The following DPYD variants were observed in gnomAD, a reference collection of about 807,000 sequenced individuals.
The protein encoded by DPYD is dihydropyrimidine dehydrogenase [NADP(+)].
A neutral mutation model predicts 116.2 loss-of-function variants in DPYD; 109 were observed. The observed-to-expected ratio is 0.94, with a 90% CI of 0.80 to 1.10. The LOEUF (loss-of-function observed/expected upper bound fraction) is 1.10, where lower values mean the gene tolerates loss of function less well. Ranked by LOEUF, DPYD falls within the 50% of genes least tolerant of loss-of-function variation. The pLI is 0.00. For synonymous variants in DPYD, 440 were observed against 432.0 expected (o/e 1.02, Z -0.23); for missense variants, 1,302 against 1,254.5 (o/e 1.04, Z -0.57).
At chr1:97,762,549 A>G (rs1459193579) in intron 3 of DPYD, among the ~76,000 whole-genome samples, 1 of 152,082 alleles carries the variant, frequency 6.6e-6, no homozygotes, top group Non-Finnish European at 1.5e-5. Context: ...CATTAAGTCA[A>G]CCTTTATATT....
intron 11 of DPYD, among the ~76,000 whole-genome samples, chr1:97,568,646 C>T (rs1413790330): frequency 6.6e-6 from 1 of 151,952 alleles, no homozygotes; most frequent in Non-Finnish European, 1.5e-5. Flanking sequence ...TATGCCACAA[C>T]AAAGGAAAAA....
At position 97,173,301 on chromosome 1, in the gene DPYD, T is replaced by C. The variant is rs79336579; in HGVS notation, c.2622+19768A>G. Among the ~76,000 whole-genome samples the C allele has an allele frequency of 8.8e-5, 13 of 147,552 alleles. 1 individual carries two copies. Among genetic ancestry groups the C allele is most frequent in the African/African-American group, 2.1e-4 (8 of 38,412 alleles). On this transcript the variant is annotated intron_variant, in intron 20 of 22. Coordinates refer to ENST00000370192, the MANE Select transcript of DPYD (RefSeq NM_000110.4). The stretch of plus-strand genomic sequence containing the variant: ...ATGCACACATATATGTACACATATG[T>C]ACATATATATGCACACATATATACA...
intron 16 of DPYD, among the ~76,000 whole-genome samples, chr1:97,325,716 T>C (rs558897860): frequency 6.6e-6 from 1 of 152,068 alleles, no homozygotes; most frequent in South Asian, 2.1e-4. Flanking sequence ...TGAAGGTGAT[T>C]GTAGTTTGGA....
intron 8 of DPYD, among the ~76,000 whole-genome samples, chr1:97,632,189 A>G (rs1000778651): frequency 1.3e-5 from 2 of 152,128 alleles, no homozygotes; most frequent in African/African-American, 2.4e-5. Context: ...GGCTTAGGCT[A>G]AATGTATTCT....
chr1:97,287,795 A>C (rs1005470287), intron 18 of DPYD, among the ~76,000 whole-genome samples: 7 of 152,078 alleles, frequency 4.6e-5, no homozygotes, highest in African/African-American at 1.7e-4. Flanking sequence ...TCTCAGTATT[A>C]GGGTGGGAGT....
At chr1:97,087,319 G>A (rs1214168100) in intron 21 of DPYD, among the ~76,000 whole-genome samples, 1 of 152,174 alleles carries the variant, frequency 6.6e-6, no homozygotes, top group East Asian at 1.9e-4. Flanking sequence ...TGCCCTCTGA[G>A]CAGAAGGCAG....
intron 20 of DPYD, among the ~76,000 whole-genome samples, chr1:97,146,633 T>C (rs140247509): frequency 6.6e-6 from 1 of 152,364 alleles, no homozygotes; most frequent in African/African-American, 2.4e-5. Context: ...TCCATTCTTT[T>C]CTAGCCATTT....
intron 5 of DPYD, 71 bp downstream of exon 5, chr1:97,721,439 A>G: frequency 2.5e-6 from 4 of 1,580,584 alleles, no homozygotes; most frequent in Non-Finnish European, 2.6e-6. Flanking sequence ...AGCACCAAGG[A>G]TTAAAGTTAT....
chr1:97,412,623 G>A (rs1379488707), intron 14 of DPYD, among the ~76,000 whole-genome samples: 2 of 152,134 alleles, frequency 1.3e-5, no homozygotes, highest in African/African-American at 4.8e-5. Context: ...TTATATGAAA[G>A]TATGGACAAT....
chr1:97,241,179 C>T (rs1229516513), intron 18 of DPYD, among the ~76,000 whole-genome samples: 2 of 151,926 alleles, frequency 1.3e-5, no homozygotes, highest in Non-Finnish European at 2.9e-5. Flanking sequence ...CTAGTGGATT[C>T]ATATTAAATA....
chr1:97,389,729 T>C (rs905976429), intron 14 of DPYD, among the ~76,000 whole-genome samples: 50 of 152,088 alleles, frequency 3.3e-4, no homozygotes, highest in African/African-American at 1.1e-3. Flanking sequence ...TGTAAACATC[T>C]AATTTCTATG....
At chr1:97,564,070 T>C (rs181315904) in intron 11 of DPYD, among the ~76,000 whole-genome samples, 2 of 152,280 alleles carry the variant, frequency 1.3e-5, no homozygotes, top group East Asian at 1.9e-4. Context: ...CAAAATATAA[T>C]TAAAGGCAAA....
chr1:97,401,312 T>TTTTTTTG (rs1557687113), intron 14 of DPYD, among the ~76,000 whole-genome samples: 2 of 151,970 alleles, frequency 1.3e-5, no homozygotes, highest in African/African-American at 4.8e-5. Flanking sequence ...GGAAGTTTTT[T>TTTTTTTG]TTTGTTTGTT....
chr1:97,385,301 AAAAAAAAAAAAAAAAAAG>A (rs1557675520), intron 14 of DPYD, among the ~76,000 whole-genome samples: 3 of 120,408 alleles, frequency 2.5e-5, no homozygotes, highest in Admixed American at 8.4e-5. Context: ...AAAAAAAAAA[AAAAAAAAAAAAAAAAAAG>A]AGAGAGAGAG....
At chr1:97,185,827 T>C (rs1359687675) in intron 20 of DPYD, among the ~76,000 whole-genome samples, 1 of 152,138 alleles carries the variant, frequency 6.6e-6, no homozygotes, top group Non-Finnish European at 1.5e-5. Context: ...AAGGAAGATG[T>C]AATGGCTGGA....
intron 3 of DPYD, among the ~76,000 whole-genome samples, chr1:97,793,397 G>A (rs2101283142): frequency 6.6e-6 from 1 of 152,172 alleles, no homozygotes; most frequent in Non-Finnish European, 1.5e-5. Context: ...AGGTGACCTA[G>A]AATAGCCAAA....
chr1:97,197,739 C>G (rs1037595473), intron 19 of DPYD, among the ~76,000 whole-genome samples: 2 of 152,186 alleles, frequency 1.3e-5, no homozygotes, highest in African/African-American at 2.4e-5. Context: ...CCACCCACTT[C>G]TAGACTCTTT....
chr1:97,359,599 A>C (rs1670609068), intron 16 of DPYD, among the ~76,000 whole-genome samples: 2 of 152,250 alleles, frequency 1.3e-5, no homozygotes, highest in African/African-American at 4.8e-5. Flanking sequence ...TATCAGACTA[A>C]CAGTGGATCT....
intron 12 of DPYD, among the ~76,000 whole-genome samples, chr1:97,525,978 A>AGAGTGTGTGT (rs1491342461): frequency 1.4e-5 from 2 of 138,226 alleles, no homozygotes; most frequent in South Asian, 2.4e-4. Flanking sequence ...GGTAATTAAG[A>AGAGTGTGTGT]GTGTGTGTGT....
Sources: gnomAD v4.1 joint callset for allele counts (sites outside exome capture counted in the v4.1 genomes callset) on GRCh38, gnomAD v4.1.1 for gene constraint, MANE v1.5 for transcripts, NCBI Gene and HGNC (gene_info 2026-07-23, HGNC 2026-07-21) for gene names.